The following C2orf72 variants were observed in gnomAD, a reference collection of about 807,000 sequenced individuals.
The protein encoded by C2orf72 is chromosome 2 open reading frame 72, also known as uncharacterized protein C2orf72.
A neutral mutation model predicts 14.4 loss-of-function variants in C2orf72; 16 were observed. The ratio of observed to expected loss-of-function variants is 1.11; its 90% CI spans 0.75 to 1.69. The LOEUF (loss-of-function observed/expected upper bound fraction) is 1.69, where lower values mean the gene tolerates loss of function less well. Among genes scored for constraint, C2orf72 ranks in the 40% most tolerant of loss-of-function variants. The pLI, the probability that C2orf72 is intolerant of heterozygous loss-of-function variation, is 0.00. For synonymous variants in C2orf72, 168 were observed against 176.8 expected, an observed-to-expected ratio of 0.95 and a Z score of 0.40; for missense variants, 371 against 358.3, an observed-to-expected ratio of 1.04 and a Z score of -0.29.
Position 231,046,997 on chromosome 2 carries a change from T to C in C2orf72, c.864T>C (p.Ala288=). The C allele has an allele frequency of 6.4e-7, 1 of 1,551,704 alleles. No homozygotes were observed. Among genetic ancestry groups the C allele is most frequent in the Non-Finnish European group, 8.7e-7 (1 of 1,146,984 alleles). The part of the protein sequence containing the change: ...KACDGVVHTP[A]EPTGDSR ...GTGATGGAGTCGTACACACTCCTGC[T>C]GAGCCCACCGGAGACTCAAGATGAA... The change falls in exon 3 of 3, where the codon GCT becomes GCC. Residue 288 remains alanine, a synonymous_variant. Coordinates refer to ENST00000373640, the MANE Select transcript of C2orf72 (RefSeq NM_001144994.2).
intron 2 of C2orf72, among the ~76,000 whole-genome samples, chr2:231,041,976 T>TA (rs1693348748): frequency 6.6e-6 from 1 of 152,072 alleles, no homozygotes; most frequent in Non-Finnish European, 1.5e-5. Flanking sequence ...TCAGGAGTAG[T>TA]GTGCCATGAG....
At chr2:231,043,990 C>T (rs1257314988) in intron 2 of C2orf72, among the ~76,000 whole-genome samples, 1 of 152,202 alleles carries the variant, frequency 6.6e-6, no homozygotes, top group Non-Finnish European at 1.5e-5. Context: ...AGGCTACAAA[C>T]CTGTACAGCA....
At chr2:231,040,218 AC>A (rs1319228684) in intron 1 of C2orf72, among the ~76,000 whole-genome samples, 9 of 152,034 alleles carry the variant, frequency 5.9e-5, no homozygotes, top group Non-Finnish European at 8.8e-5. Flanking sequence ...AAATCCCAGA[AC>A]CCTTTATCCC....
Position 231,048,224 on chromosome 2 carries a change from C to T in C2orf72, c.*1203C>T, listed in dbSNP as rs762861105. ...TCTTCTTTGCCTGCCTTGGAGAAAT[C>T]CAGAGTCTTCGGAATGGCAAAGGCA... On this transcript the variant is annotated 3_prime_UTR_variant, in exon 3 of 3. Transcript: ENST00000373640. 1.3e-5 allele frequency: 2 copies of T among 152,238 alleles called. No individual in the cohort carries two copies. Among genetic ancestry groups the T allele is most frequent in the Non-Finnish European group, 2.9e-5 (2 of 68,044 alleles). 9.4% of individuals were successfully genotyped at this position (152,238 alleles called of 1,614,324 possible).
chr2:231,048,414 G>C lies in C2orf72; in HGVS notation c.*1393G>C, dbSNP rs1209692236. The C allele has an allele frequency of 1.3e-5, 2 of 152,384 alleles. No individual in the cohort carries two copies. The highest frequency in any genetic ancestry group is 6.5e-5 in the Admixed American group (1 of 15,294). 9.4% of individuals were successfully genotyped at this position (152,384 alleles called of 1,614,324 possible). On this transcript the variant is annotated 3_prime_UTR_variant, in exon 3 of 3. Transcript: ENST00000373640. Reference sequence around the variant, plus strand: ...TGTTATTTCAGCTCTCTCCAGGATAGTGCCAAATGGTGCAATGGGAAACCT... The same window carrying C: ...TGTTATTTCAGCTCTCTCCAGGATACTGCCAAATGGTGCAATGGGAAACCT...
At chr2:231,043,704 C>T (rs977352700) in intron 2 of C2orf72, among the ~76,000 whole-genome samples, 1 of 152,132 alleles carries the variant, frequency 6.6e-6, no homozygotes, top group Non-Finnish European at 1.5e-5. Context: ...TAATTTCTCT[C>T]TCTGTGGTAT....
chr2:231,044,705 C>A (rs1452044451), intron 2 of C2orf72, among the ~76,000 whole-genome samples: 2 of 117,274 alleles, frequency 1.7e-5, no homozygotes, highest in Non-Finnish European at 3.3e-5. Flanking sequence ...AACTAAGACA[C>A]AAACATGCGC....
chr2:231,039,379 C>G (rs1693310083), intron 1 of C2orf72, among the ~76,000 whole-genome samples: 1 of 151,310 alleles, frequency 6.6e-6, no homozygotes, highest in Non-Finnish European at 1.5e-5. Flanking sequence ...TCTTTGCACT[C>G]TCCAGCTCCC....
Position 231,048,158 on chromosome 2 carries a change from A to G in C2orf72, c.*1137A>G, listed in dbSNP as rs1693442574. The G allele has an allele frequency of 2.0e-5, 3 of 152,318 alleles. No individual in the cohort carries two copies. The highest frequency in any genetic ancestry group is 4.2e-4 in the South Asian group (2 of 4,818). 9.4% of individuals were successfully genotyped at this position (152,318 alleles called of 1,614,324 possible). On this transcript the variant is annotated 3_prime_UTR_variant, in exon 3 of 3. Transcript: ENST00000373640. ...ATGTTCCCTTAGAGCTGGGAAATCCATGTGTTTATTCACGGAGGGAACTCA... is the reference window on the plus strand; with the variant it reads ...ATGTTCCCTTAGAGCTGGGAAATCCGTGTGTTTATTCACGGAGGGAACTCA...
At chr2:231,041,653 T>C (rs1046188865) in intron 2 of C2orf72, among the ~76,000 whole-genome samples, 1 of 151,940 alleles carries the variant, frequency 6.6e-6, no homozygotes, top group African/African-American at 2.4e-5. Flanking sequence ...GGGAGGGCTG[T>C]AACAAAGGTG....
At chr2:231,041,497 G>C (rs1693339419) in intron 2 of C2orf72, 88 bp downstream of exon 2, 1 of 972,456 alleles carries the variant, frequency 1.0e-6, no homozygotes, top group Admixed American at 2.2e-5. Context: ...CTTAGGGACA[G>C]AGTGGACCAA....
In C2orf72 at chr2:231,046,744, C is replaced by G. The variant is rs905968070; in HGVS notation, c.749-138C>G. The G allele has an allele frequency of 8.4e-6, 7 of 832,768 alleles. No individual in the cohort carries two copies. The Admixed American group carries it at 2.0e-4, about 24-fold the overall frequency. 51.6% of individuals were successfully genotyped at this position (832,768 alleles called of 1,614,324 possible). ...TTTGTGGGTCAAAGGGTGTGTACAT[C>G]GTTAAGGTTTTTGATATGTATTTTG... is the stretch of plus-strand genomic sequence containing the variant. On this transcript the variant is annotated intron_variant, in intron 2 of 2. Coordinates refer to ENST00000373640, the MANE Select transcript of C2orf72 (RefSeq NM_001144994.2).
In C2orf72 at chr2:231,038,150, C is replaced by A; in HGVS notation, c.585C>A (p.Val195=). Residue 195 remains valine, a synonymous_variant, in exon 1 of 3, where the codon GTC becomes GTA. Coordinates refer to ENST00000373640, the MANE Select transcript of C2orf72 (RefSeq NM_001144994.2). ...GCCTCCCGGCCTCCTGCCTGGCCGT[C>A]CAGGCGGCCGCCTGCAGGGCCCTGC... The part of the protein sequence containing the change: ...CPGLPASCLA[V]QAAACRALQA... 1 of 1,186,214 alleles carries A rather than the reference C, an allele frequency of 8.4e-7. No homozygotes were observed. Among genetic ancestry groups the A allele is most frequent in the Non-Finnish European group, 1.0e-6 (1 of 958,888 alleles). The allele number at this position is 1,186,214 out of a possible 1,614,324, so 73.5% of individuals were successfully genotyped here.
intron 1 of C2orf72, 69 bp downstream of exon 1, chr2:231,038,268 C>A: frequency 8.9e-7 from 1 of 1,122,590 alleles, no homozygotes; most frequent in South Asian, 4.4e-5. Context: ...AAGTTGGACC[C>A]CTTTGGCCAT....
chr2:231,042,299 A>G (rs1341440658), intron 2 of C2orf72, among the ~76,000 whole-genome samples: 1 of 152,122 alleles, frequency 6.6e-6, no homozygotes, highest in Non-Finnish European at 1.5e-5. Flanking sequence ...GCTTTAAGAC[A>G]CCTGTGGATG....
chr2:231,044,167 GT>G (rs59233401), intron 2 of C2orf72, among the ~76,000 whole-genome samples: 33,533 of 152,118 alleles, frequency 0.22, 3,921 homozygotes, highest in African/African-American at 0.3. Context: ...AAGGCTGGAA[GT>G]TGCTCTGGGT....
intron 2 of C2orf72, among the ~76,000 whole-genome samples, chr2:231,045,865 T>C (rs562298115): frequency 2.1e-4 from 32 of 152,340 alleles, no homozygotes; most frequent in African/African-American, 6.5e-4. Flanking sequence ...AGGTTCGTAA[T>C]TGACCAAAAT....
chr2:231,049,696 G>A lies in C2orf72; in HGVS notation c.*2675G>A, dbSNP rs1363098334. The A allele has an allele frequency of 2.0e-5, 3 of 152,046 alleles. No individual in the cohort carries two copies. The highest frequency in any genetic ancestry group is 2.9e-5 in the Non-Finnish European group (2 of 68,026). The allele number at this position is 152,046 out of a possible 1,614,324, so 9.4% of individuals were successfully genotyped here. On this transcript the variant is annotated 3_prime_UTR_variant, in exon 3 of 3. Coordinates refer to ENST00000373640, the MANE Select transcript of C2orf72 (RefSeq NM_001144994.2). ...ATCTAATAAAACCAAGAAGTACCTC[G>A]TTGATATCTTATAGAAAACAAAATG...
chr2:231,037,687 A>G lies in C2orf72; in HGVS notation c.122A>G (p.Glu41Gly). ...GQVLLVGELW[E>G]REQSRALLRD... ...GTGCTGCTGGTGGGCGAGCTGTGGG[A>G]GCGCGAACAGAGCCGCGCGCTGCTG... is the stretch of plus-strand genomic sequence containing the variant. Residue 41 changes from glutamate to glycine, a missense_variant, in exon 1 of 3, where the codon GAG (glutamate) becomes GGG (glycine). Physicochemically the swap from Glu to Gly is moderately conservative, Grantham distance 98. Around this residue, in one of 3 missense-constraint regions of C2orf72, gnomAD observed 214 missense variants for 178.7 expected, o/e 1.20. Transcript: ENST00000373640. 9.3e-7 allele frequency: 1 copy of G among 1,077,364 alleles called. No homozygotes were observed. The allele number at this position is 1,077,364 out of a possible 1,614,324, so 66.7% of individuals were successfully genotyped here.
Sources: allele counts gnomAD v4.1 joint callset (sites outside exome capture counted in the v4.1 genomes callset), GRCh38; gene constraint gnomAD v4.1.1; regional missense constraint gnomAD v4.1.1; transcripts MANE v1.5; gene names NCBI Gene and HGNC (gene_info 2026-07-23, HGNC 2026-07-21).